Variants in DDX59 observed in about 807,000 individuals in gnomAD.
DDX59 encodes probable ATP-dependent RNA helicase DDX59.
Under a neutral mutation model 51.9 loss-of-function variants are expected in DDX59, and 30 were observed. The ratio of observed to expected loss-of-function variants is 0.58; its 90% CI spans 0.43 to 0.78. The LOEUF (loss-of-function observed/expected upper bound fraction) is 0.78, where lower values mean the gene tolerates loss of function less well. Among genes scored for constraint, DDX59 ranks in the 30% least tolerant of loss-of-function variants. DDX59 has a pLI of 0.00. For missense variants in DDX59, 672 were observed against 730.8 expected (o/e 0.92, Z 0.93); for synonymous variants, 255 against 253.3 (o/e 1.01, Z -0.06).
intron 1 of DDX59, among the ~76,000 whole-genome samples, chr1:200,667,643 AAAAAG>A (rs1241886630): frequency 1.6e-4 from 24 of 152,206 alleles, no homozygotes; most frequent in Non-Finnish European, 8.8e-5. Context: ...TATAGCATCA[AAAAAG>A]AAAACAGGAG....
At chr1:200,645,201 A>G (rs1478672825) in intron 7 of DDX59, among the ~76,000 whole-genome samples, 1 of 152,240 alleles carries the variant, frequency 6.6e-6, no homozygotes, top group East Asian at 1.9e-4. Context: ...CATTAAGAGC[A>G]AGAGGACTAT....
intron 3 of DDX59, among the ~76,000 whole-genome samples, chr1:200,662,338 A>G (rs1662428069): frequency 6.6e-6 from 1 of 152,066 alleles, no homozygotes; most frequent in Non-Finnish European, 1.5e-5. Context: ...GTTTGGGAGG[A>G]AAAAAAAGTT....
At chr1:200,650,809 G>A (rs1480367685) in intron 4 of DDX59, 133 bp from the exon 5 acceptor site, 4 of 748,088 alleles carry the variant, frequency 5.3e-6, no homozygotes, top group East Asian at 5.6e-5. Flanking sequence ...AATGTCAAGA[G>A]AACTGGAAAA....
chr1:200,668,040 T>C (rs1204553537), intron 1 of DDX59, among the ~76,000 whole-genome samples: 1 of 152,198 alleles, frequency 6.6e-6, no homozygotes, highest in East Asian at 1.9e-4. Flanking sequence ...GGCTCACGCC[T>C]GTAATCCTAG....
intron 3 of DDX59, among the ~76,000 whole-genome samples, chr1:200,663,223 T>C (rs1338609421): frequency 1.3e-5 from 2 of 152,082 alleles, no homozygotes; most frequent in African/African-American, 4.8e-5. Context: ...AACTAAACAG[T>C]TAATGCCCAG....
intron 4 of DDX59, among the ~76,000 whole-genome samples, chr1:200,656,733 G>A (rs1662046132): frequency 2.0e-5 from 3 of 152,144 alleles, no homozygotes; most frequent in Admixed American, 2.0e-4. Flanking sequence ...CCTTGTTAGT[G>A]GAAGAAAATG....
chr1:200,666,789 T>C (rs1288046930), intron 1 of DDX59, 38 bp from the exon 2 acceptor site: 1 of 1,549,742 alleles, frequency 6.5e-7, no homozygotes, highest in African/African-American at 1.4e-5. Flanking sequence ...TATTGTACCA[T>C]TAATAAAGTT....
At chr1:200,659,203 T>G in intron 3 of DDX59, 87 bp from the exon 4 acceptor site, 1 of 983,610 alleles carries the variant, frequency 1.0e-6, no homozygotes, top group Non-Finnish European at 1.6e-6. Flanking sequence ...AACTAATATG[T>G]ACCAGACACT....
At chr1:200,648,973 A>C (rs549835242) in intron 6 of DDX59, 101 bp downstream of exon 6, 37 of 1,201,024 alleles carry the variant, frequency 3.1e-5, no homozygotes, top group Middle Eastern at 5.8e-4. Flanking sequence ...TAGTCATTAA[A>C]AGAGGATCTG....
At position 200,666,051 on chromosome 1, in the gene DDX59, T is replaced by C. The variant is rs1232891653; in HGVS notation, c.690A>G (p.Gln230=). 8 of 1,614,200 alleles carry C rather than the reference T, an allele frequency of 5.0e-6. No homozygotes were observed. The highest frequency in any genetic ancestry group is 1.3e-5 in the African/African-American group (1 of 75,036). Residue 230 remains glutamine (Q), a synonymous_variant, in exon 2 of 8, where the codon CAA becomes CAG. Transcript: ENST00000331314. ...KSGYEVPTPI[Q]MQMIPVGLLG... ...GAAGTCCCACAGGAATCATCTGCAT[T>C]TGAATGGGAGTTGGCACCTCATAGC...
At chr1:200,655,376 T>G (rs1315502143) in intron 4 of DDX59, among the ~76,000 whole-genome samples, 1 of 152,112 alleles carries the variant, frequency 6.6e-6, no homozygotes, top group Non-Finnish European at 1.5e-5. Context: ...CTTACCCCTG[T>G]CTGGATTGCT....
Position 200,666,668 on chromosome 1 carries a change from TTA to T in DDX59, c.71_72del (p.Ile24AsnfsTer2). ...NDDGKSCVAK[I>X]IKPDPEDLQL... ...TGAAGGTCTTCTGGGTCTGGTTTAA[TTA>T]TCTTAGCCACACAACTTTTGCCATC... On this transcript the variant is annotated frameshift_variant, in exon 2 of 8. Coordinates refer to ENST00000331314, the MANE Select transcript of DDX59 (RefSeq NM_001031725.6). LOFTEE classifies it high-confidence loss of function. 2 of 1,614,254 alleles carry T rather than the reference TTA, an allele frequency of 1.2e-6. No homozygotes were observed. Among genetic ancestry groups the T allele is most frequent in the Non-Finnish European group, 8.5e-7 (1 of 1,180,054 alleles).
At chr1:200,642,045 T>C (rs1298208554), downstream of DDX59, among the ~76,000 whole-genome samples, 2 of 152,120 alleles carry the variant, frequency 1.3e-5, no homozygotes, top group Non-Finnish European at 2.9e-5. Flanking sequence ...ATGTGCTTGG[T>C]ATTAGAAATA....
rs1558125632 is a variant in DDX59, at chr1:200,659,108, TATG to T, written c.978_980del (p.Ile327del). Reference sequence around the variant, plus strand: ...TATCCAGAAGTCGCCCAGGGGTTGCTATGATAACCTAAATAAAAGAGAAAAAGC... The same window carrying T: ...TATCCAGAAGTCGCCCAGGGGTTGCTATAACCTAAATAAAAGAGAAAAAGC... On this transcript the variant is annotated inframe_deletion, in exon 4 of 8. Transcript: ENST00000331314. 1 of 1,612,170 alleles carries T rather than the reference TATG, an allele frequency of 6.2e-7. No homozygotes were observed. Among genetic ancestry groups the T allele is most frequent in the South Asian group, 1.1e-5 (1 of 90,762 alleles).
intron 5 of DDX59, among the ~76,000 whole-genome samples, chr1:200,650,201 T>A (rs1294758701): frequency 6.6e-6 from 1 of 152,154 alleles, no homozygotes; most frequent in African/African-American, 2.4e-5. Flanking sequence ...GATATTTAAA[T>A]ATAATTCTAT....
chr1:200,662,420 C>T (rs1329906221), intron 3 of DDX59, among the ~76,000 whole-genome samples: 5 of 152,076 alleles, frequency 3.3e-5, no homozygotes, highest in South Asian at 2.1e-4. Flanking sequence ...TTTGGGAGGC[C>T]GAGGCAGGTG....
chr1:200,664,964 T>G (rs545932720), intron 2 of DDX59, among the ~76,000 whole-genome samples: 1 of 152,282 alleles, frequency 6.6e-6, no homozygotes, highest in East Asian at 1.9e-4. Context: ...CGTGAGCCAC[T>G]GTGCCCCGCC....
At chr1:200,642,825 G>T (rs1661087776), downstream of DDX59, among the ~76,000 whole-genome samples, 1 of 152,124 alleles carries the variant, frequency 6.6e-6, no homozygotes, top group South Asian at 2.1e-4. Flanking sequence ...CTGGCCTTAA[G>T]AAAGTGTGGG....
At chr1:200,659,811 C>T (rs1369227175) in intron 3 of DDX59, among the ~76,000 whole-genome samples, 2 of 152,016 alleles carry the variant, frequency 1.3e-5, no homozygotes, top group Non-Finnish European at 2.9e-5. Flanking sequence ...CCTCAGCCTC[C>T]CATGTAACTA....
Sources: gnomAD v4.1 joint callset for allele counts (sites outside exome capture counted in the v4.1 genomes callset) on GRCh38, gnomAD v4.1.1 for gene constraint, MANE v1.5 for transcripts, NCBI Gene and HGNC (gene_info 2026-07-23, HGNC 2026-07-21) for gene names.